Variants in B4GALT5 observed in about 807,000 individuals in gnomAD.
B4GALT5 encodes UDP-Gal:beta-GlcNAc beta-1,4-galactosyltransferase 5.
Under a neutral mutation model 45.0 loss-of-function variants are expected in B4GALT5, and 11 were observed. The observed-to-expected ratio is 0.24, with a 90% CI of 0.15 to 0.40. The LOEUF is 0.40. Among genes scored for constraint, B4GALT5 ranks in the 10% least tolerant of loss-of-function variants. The pLI is 1.00. For synonymous variants in B4GALT5, 185 were observed against 182.9 expected (o/e 1.01, Z -0.09); for missense variants, 337 against 500.2 (o/e 0.67, Z 3.11).
intron 1 of B4GALT5, among the ~76,000 whole-genome samples, chr20:49,675,475 A>T (rs2085733335): frequency 6.6e-6 from 1 of 152,226 alleles, no homozygotes; most frequent in Admixed American, 6.5e-5. Flanking sequence ...GTTCACTCAG[A>T]GGCCAATTAA....
intron 7 of B4GALT5, among the ~76,000 whole-genome samples, chr20:49,637,802 G>A (rs953675382): frequency 1.3e-5 from 2 of 151,708 alleles, no homozygotes; most frequent in Admixed American, 6.6e-5. Flanking sequence ...AGCCAGGCGT[G>A]GTGGTGCAGG....
intron 1 of B4GALT5, among the ~76,000 whole-genome samples, chr20:49,707,315 G>A (rs1317060162): frequency 2.0e-5 from 3 of 152,012 alleles, no homozygotes; most frequent in African/African-American, 7.3e-5. Context: ...CTCCTAAGAA[G>A]AAGGGACAAC....
chr20:49,680,306 T>G (rs2085758848), intron 1 of B4GALT5, among the ~76,000 whole-genome samples: 1 of 152,220 alleles, frequency 6.6e-6, no homozygotes, highest in Non-Finnish European at 1.5e-5. Context: ...GAGACCCTTC[T>G]GCAGCAAAGA....
At chr20:49,682,853 G>C (rs2085769767) in intron 1 of B4GALT5, among the ~76,000 whole-genome samples, 1 of 152,140 alleles carries the variant, frequency 6.6e-6, no homozygotes, top group African/African-American at 2.4e-5. Flanking sequence ...AACACTTCAG[G>C]AGGTTAAGGC....
Position 49,633,772 on chromosome 20 carries a change from C to T in B4GALT5, c.*2540G>A, listed in dbSNP as rs1984437728. 2 of 152,540 alleles carry T rather than the reference C, an allele frequency of 1.3e-5. No individual in the cohort carries two copies. The highest frequency in any genetic ancestry group is 1.3e-4 in the Admixed American group (2 of 15,284). 9.4% of individuals were successfully genotyped at this position (152,540 alleles called of 1,614,324 possible). On this transcript the variant is annotated 3_prime_UTR_variant, in exon 9 of 9. Coordinates refer to ENST00000371711, the MANE Select transcript of B4GALT5 (RefSeq NM_004776.4). The stretch of plus-strand genomic sequence containing the variant: ...GATCGCCTGACAACACTGCCGCATA[C>T]ACATACGGCACCCAGGACTCAGAAT...
intron 5 of B4GALT5, among the ~76,000 whole-genome samples, chr20:49,641,274 A>G (rs1417975657): frequency 6.6e-6 from 1 of 152,246 alleles, no homozygotes; most frequent in Non-Finnish European, 1.5e-5. Context: ...CAAAGGGAAG[A>G]GACAACACTA....
chr20:49,668,893 G>A (rs143055575), intron 1 of B4GALT5, among the ~76,000 whole-genome samples: 43 of 151,794 alleles, frequency 2.8e-4, no homozygotes, highest in Non-Finnish European at 4.6e-4. Flanking sequence ...ACAGTGTCTC[G>A]TCCTGTCACC....
intron 1 of B4GALT5, among the ~76,000 whole-genome samples, chr20:49,688,076 G>A (rs1308464419): frequency 1.3e-5 from 2 of 152,034 alleles, no homozygotes; most frequent in Non-Finnish European, 2.9e-5. Flanking sequence ...AGCAGCCTGG[G>A]AACATGACCA....
intron 1 of B4GALT5, among the ~76,000 whole-genome samples, chr20:49,704,211 T>C (rs1438160294): frequency 6.6e-6 from 1 of 152,020 alleles, no homozygotes; most frequent in East Asian, 1.9e-4. Flanking sequence ...GAGGAAAAAA[T>C]AACCCTGTCT....
At chr20:49,713,451 C>A (rs1480354242) in intron 1 of B4GALT5, 125 bp downstream of exon 1, 3 of 922,428 alleles carry the variant, frequency 3.3e-6, no homozygotes, top group Middle Eastern at 5.6e-4. Context: ...GCCAGGACTC[C>A]GGAGTCTTCG....
At chr20:49,692,341 C>T (rs1372905617) in intron 1 of B4GALT5, among the ~76,000 whole-genome samples, 1 of 150,972 alleles carries the variant, frequency 6.6e-6, no homozygotes, top group African/African-American at 2.4e-5. Context: ...GTGGCGCGTG[C>T]CTGTAGTCCC....
chr20:49,636,970 C>T (rs1237785942), intron 8 of B4GALT5, among the ~76,000 whole-genome samples: 1 of 150,882 alleles, frequency 6.6e-6, no homozygotes, highest in African/African-American at 2.4e-5. Flanking sequence ...ACTGCAGCCA[C>T]CCAGACAGAA....
chr20:49,685,973 T>C (rs1181061734), intron 1 of B4GALT5, among the ~76,000 whole-genome samples: 2 of 151,788 alleles, frequency 1.3e-5, no homozygotes, highest in Non-Finnish European at 2.9e-5. Flanking sequence ...GATTTCTCCT[T>C]TCTCCTGAGC....
intron 1 of B4GALT5, among the ~76,000 whole-genome samples, chr20:49,711,076 CA>C (rs5841766): frequency 0.65 from 85,245 of 131,856 alleles, 26,357 homozygotes; most frequent in South Asian, 0.78. Flanking sequence ...GACTCTCTAT[CA>C]AAAAAAAAAA....
chr20:49,648,196 G>A (rs1043868930), intron 2 of B4GALT5, among the ~76,000 whole-genome samples: 3 of 152,122 alleles, frequency 2.0e-5, no homozygotes, highest in African/African-American at 7.2e-5. Flanking sequence ...ATTCTCCAGA[G>A]AAATCCACTC....
chr20:49,698,747 T>C (rs564022931), intron 1 of B4GALT5, among the ~76,000 whole-genome samples: 1 of 152,316 alleles, frequency 6.6e-6, no homozygotes, highest in Admixed American at 6.5e-5. Flanking sequence ...CCTGCCACCC[T>C]GTGCCTGTGT....
At chr20:49,678,210 A>G (rs2085748106) in intron 1 of B4GALT5, among the ~76,000 whole-genome samples, 1 of 152,242 alleles carries the variant, frequency 6.6e-6, no homozygotes, top group African/African-American at 2.4e-5. Context: ...CTGATATGGC[A>G]AGCACACAGG....
At chr20:49,679,631 C>A (rs1362866727) in intron 1 of B4GALT5, among the ~76,000 whole-genome samples, 1 of 150,946 alleles carries the variant, frequency 6.6e-6, no homozygotes, top group Non-Finnish European at 1.5e-5. Flanking sequence ...AGCCGAGATC[C>A]CACCACTGCA....
At chr20:49,692,591 G>A (rs568734673) in intron 1 of B4GALT5, among the ~76,000 whole-genome samples, 32 of 152,206 alleles carry the variant, frequency 2.1e-4, no homozygotes, top group Non-Finnish European at 2.4e-4. Context: ...AACTAGAATG[G>A]GACTCAGTTG....
Sources: allele counts gnomAD v4.1 joint callset (sites outside exome capture counted in the v4.1 genomes callset), GRCh38; gene constraint gnomAD v4.1.1; transcripts MANE v1.5; gene names NCBI Gene and HGNC (gene_info 2026-07-23, HGNC 2026-07-21).